HIPK3: variants seen among roughly 807,000 people sequenced by gnomAD.
HIPK3 encodes the protein homeodomain interacting protein kinase 3, also known as homeodomain-interacting protein kinase 3.
HIPK3 carries 47 observed loss-of-function variants against 124.2 expected under a neutral mutation model. That is an observed-to-expected ratio of 0.38 (90% CI 0.30 to 0.48). The LOEUF is 0.48. Ranked by LOEUF, HIPK3 falls within the 20% of genes least tolerant of loss-of-function variation. HIPK3 has a pLI of 0.98. For missense variants in HIPK3, 1,286 were observed against 1,454.3 expected (o/e 0.88, Z 1.88); for synonymous variants, 482 against 515.2 (o/e 0.94, Z 0.87).
chr11:33,350,276 C>T (rs1014726342), intron 14 of HIPK3, among the ~76,000 whole-genome samples: 1 of 151,992 alleles, frequency 6.6e-6, no homozygotes, highest in Non-Finnish European at 1.5e-5. Flanking sequence ...TGGTTTTATC[C>T]ATATTAACCT....
intron 16 of HIPK3, among the ~76,000 whole-genome samples, chr11:33,352,593 GGAAAA>G (rs1255962368): frequency 2.6e-5 from 4 of 151,912 alleles, no homozygotes; most frequent in Non-Finnish European, 5.9e-5. Context: ...GTTTCAGTTG[GGAAAA>G]GAAAAGATCA....
chr11:33,310,444 A>C (rs1415422450), intron 2 of HIPK3, among the ~76,000 whole-genome samples: 2 of 151,936 alleles, frequency 1.3e-5, no homozygotes, highest in African/African-American at 4.8e-5. Context: ...AGTAGCTGGG[A>C]TTACAGGTGT....
At chr11:33,305,263 A>C in intron 2 of HIPK3, among the ~76,000 whole-genome samples, 1 of 152,092 alleles carries the variant, frequency 6.6e-6, no homozygotes, top group East Asian at 1.9e-4. Flanking sequence ...CAGCCTCCCA[A>C]AGTGCTGGGA....
rs780479640 is a variant in HIPK3, at chr11:33,348,786, GGAA to G, written c.2637_2639del (p.Glu880del). ...TCACTATCAGCAGTGACACTGATGA[GGAA>G]GAGACTTCCCAGAGACATTCACTCA... On this transcript the variant is annotated inframe_deletion, in exon 13 of 17. Coordinates refer to ENST00000303296, the MANE Select transcript of HIPK3 (RefSeq NM_005734.5). 2 of 1,613,996 alleles carry G rather than the reference GGAA, an allele frequency of 1.2e-6. No individual in the cohort carries two copies. The highest frequency in any genetic ancestry group is 1.7e-6 in the Non-Finnish European group (2 of 1,179,904).
chr11:33,334,517 G>T (rs911183703), intron 3 of HIPK3, among the ~76,000 whole-genome samples: 4 of 152,104 alleles, frequency 2.6e-5, no homozygotes. Flanking sequence ...TGTTTGCTAG[G>T]GTTAGAGGTC....
chr11:33,348,289 C>T, intron 12 of HIPK3, 61 bp downstream of exon 12: 1 of 1,443,318 alleles, frequency 6.9e-7, no homozygotes, highest in African/African-American at 1.4e-5. Context: ...CAATTGTGGA[C>T]ATTCAGATAG....
intron 4 of HIPK3, 36 bp from the exon 5 acceptor site, chr11:33,338,720 TA>T: frequency 3.0e-6 from 4 of 1,332,016 alleles, no homozygotes; most frequent in Non-Finnish European, 4.3e-6. Context: ...AAATTTGTAA[TA>T]ATGTATTCTT....
In HIPK3 at chr11:33,321,690, A is replaced by T. The variant is rs1347803201; in HGVS notation, c.1098-6820A>T. Among the ~76,000 whole-genome samples the T allele has an allele frequency of 2.6e-5, 4 of 152,314 alleles. No individual in the cohort carries two copies. In the East Asian group the frequency reaches 5.8e-4, roughly 22 times the overall value. On this transcript the variant is annotated intron_variant, in intron 2 of 16. Transcript: ENST00000303296. ...TGGATGTTTGAAAAGAGGAAGTGTG[A>T]AGTAGGACAGTGAGTATGAATAGTT...
intron 1 of HIPK3, among the ~76,000 whole-genome samples, chr11:33,259,967 A>G (rs1479680693): frequency 6.6e-6 from 1 of 152,152 alleles, no homozygotes; most frequent in Admixed American, 6.5e-5. Flanking sequence ...CTAAACATAC[A>G]TATTAGGCAA....
chr11:33,341,177 G>T (rs266470), intron 7 of HIPK3, 50 bp downstream of exon 7: 930,171 of 1,322,454 alleles, frequency 0.7, 328,803 homozygotes, highest in Non-Finnish European at 0.72. Flanking sequence ...TAATGATTGC[G>T]CATTTTACTT....
chr11:33,297,379 C>A (rs1425061205), intron 2 of HIPK3, among the ~76,000 whole-genome samples: 3 of 152,178 alleles, frequency 2.0e-5, no homozygotes. Flanking sequence ...CAGATGTGAG[C>A]CACCGCGCCC....
At position 33,349,245 on chromosome 11, in the gene HIPK3, C is replaced by T; in HGVS notation, c.2765C>T (p.Ser922Phe). The change falls in exon 14 of 17, where the codon TCC (serine) becomes TTC (phenylalanine). Residue 922 changes from serine (S) to phenylalanine (F), a missense_variant. Physicochemically the swap from Ser to Phe is radical, Grantham distance 155. Around this residue, in one of 3 missense-constraint regions of HIPK3, gnomAD observed 810 missense variants for 864.9 expected, o/e 0.94. Coordinates refer to ENST00000303296, the MANE Select transcript of HIPK3 (RefSeq NM_005734.5). The part of the protein sequence containing the change: ...SSPDSTLSTS[S>F]SGQSSPSPCK... ...CCTGATAGTACTCTGAGTACCAGCT[C>T]CTCAGGGCAGTCCAGCCCATCCCCC... The T allele has an allele frequency of 1.2e-6, 2 of 1,613,704 alleles. 1 individual carries two copies. The highest frequency in any genetic ancestry group is 1.7e-6 in the Non-Finnish European group (2 of 1,179,640).
intron 1 of HIPK3, chr11:33,258,400 G>T (rs985483258): frequency 2.0e-6 from 2 of 985,672 alleles, no homozygotes; most frequent in African/African-American, 3.5e-5. Flanking sequence ...CGCGTCCCGG[G>T]CTTTGTGGCC....
At chr11:33,258,671 G>C in intron 1 of HIPK3, 1 of 985,390 alleles carries the variant, frequency 1.0e-6, no homozygotes, top group Non-Finnish European at 1.2e-6. Context: ...TGTCGGGAGG[G>C]AGACGGCTGT....
intron 1 of HIPK3, among the ~76,000 whole-genome samples, chr11:33,275,572 C>G (rs1203553802): frequency 3.3e-5 from 5 of 151,820 alleles, no homozygotes; most frequent in Non-Finnish European, 5.9e-5. Context: ...ATGAAATAAA[C>G]TGACTAGAAA....
intron 2 of HIPK3, among the ~76,000 whole-genome samples, chr11:33,315,226 C>T (rs1315906600): frequency 6.6e-6 from 1 of 152,090 alleles, no homozygotes; most frequent in Non-Finnish European, 1.5e-5. Context: ...ACAGTCTTCT[C>T]TTACATATTG....
intron 2 of HIPK3, among the ~76,000 whole-genome samples, chr11:33,293,486 A>T (rs1170856762): frequency 6.9e-6 from 1 of 145,162 alleles, no homozygotes; most frequent in Non-Finnish European, 1.5e-5. Context: ...TAGATCATCT[A>T]TTCTGGACAT....
intron 2 of HIPK3, among the ~76,000 whole-genome samples, chr11:33,306,806 A>T (rs2133935724): frequency 6.6e-6 from 1 of 152,230 alleles, no homozygotes; most frequent in East Asian, 1.9e-4. Flanking sequence ...TACAGTAGTA[A>T]TGATATGATG....
intron 2 of HIPK3, among the ~76,000 whole-genome samples, chr11:33,315,125 T>G (rs1277027761): frequency 6.6e-6 from 1 of 152,138 alleles, no homozygotes; most frequent in Non-Finnish European, 1.5e-5. Flanking sequence ...ACTGACATGT[T>G]TTGTCTTTAT....
Sources: gnomAD v4.1 joint callset for allele counts (sites outside exome capture counted in the v4.1 genomes callset) on GRCh38, gnomAD v4.1.1 for gene constraint, gnomAD v4.1.1 regional missense constraint, MANE v1.5 for transcripts, NCBI Gene and HGNC (gene_info 2026-07-23, HGNC 2026-07-21) for gene names.